DMC1: variants seen among roughly 807,000 people sequenced by gnomAD.
DMC1 encodes DNA meiotic recombinase 1.
In DMC1, 27 loss-of-function variants were observed where a neutral mutation model predicts 50.1. That is an observed-to-expected ratio of 0.54 (90% CI 0.40 to 0.74). DMC1 has a LOEUF of 0.74. Among genes scored for constraint, DMC1 ranks in the 30% least tolerant of loss-of-function variants. The pLI is 0.00. For missense variants in DMC1, 295 were observed against 420.2 expected (o/e 0.70, Z 2.60); for synonymous variants, 148 against 136.1 (o/e 1.09, Z -0.61).
In DMC1 at chr22:38,562,338, C is replaced by T; in HGVS notation, c.275G>A (p.Ser92Asn). The part of the protein sequence containing the change: ...EPGFLTAFEY[S>N]EKRKMVFHIT... ...ATGGAAAACCATTTTCCTCTTTTCA[C>T]TATACTCAAATGCAGTCAAGAATCC... Residue 92 changes from serine to asparagine, a missense_variant, in exon 5 of 14, where the codon AGT becomes AAT. By Grantham distance (46) the Ser-to-Asn change is conservative. Coordinates refer to ENST00000216024, the MANE Select transcript of DMC1 (RefSeq NM_007068.4). 1 of 1,612,518 alleles carries T rather than the reference C, an allele frequency of 6.2e-7. No individual in the cohort carries two copies. The highest frequency in any genetic ancestry group is 8.5e-7 in the Non-Finnish European group (1 of 1,178,920).
rs184788393 is a variant in DMC1 at position 38,557,009 on chromosome 22, G to A, written c.327-1600C>T. Among the ~76,000 whole-genome samples the A allele has an allele frequency of 2.1e-3, 314 of 152,264 alleles. 3 individuals are homozygous for A. Among genetic ancestry groups the A allele is most frequent in the South Asian group, 0.016 (78 of 4,828 alleles). The stretch of plus-strand genomic sequence containing the variant: ...AGGGAATACACTTGGAAATCTTATA[G>A]GCCCAGCAACTATTTTTTTCTTCAA... On this transcript the variant is annotated intron_variant, in intron 5 of 13. Transcript: ENST00000216024.
intron 6 of DMC1, among the ~76,000 whole-genome samples, chr22:38,554,701 A>G (rs1316518647): frequency 6.6e-6 from 1 of 152,092 alleles, no homozygotes; most frequent in Non-Finnish European, 1.5e-5. Context: ...TAGAGGATAT[A>G]ATCAGGGAAG....
At chr22:38,535,206 G>A (rs2090197342) in intron 12 of DMC1, among the ~76,000 whole-genome samples, 1 of 152,100 alleles carries the variant, frequency 6.6e-6, no homozygotes, top group Admixed American at 6.5e-5. Context: ...GGCTGAGGCA[G>A]GAGAATCGCC....
intron 1 of DMC1, 162 bp from the exon 2 acceptor site, chr22:38,568,451 T>TTGTGTG (rs11570378): frequency 8.6e-5 from 51 of 591,842 alleles, no homozygotes; most frequent in African/African-American, 1.9e-4. Flanking sequence ...ACATTATTTC[T>TTGTGTG]TGTGTGTGTG....
intron 1 of DMC1, among the ~76,000 whole-genome samples, chr22:38,568,930 T>C (rs1441569715): frequency 6.6e-6 from 1 of 152,100 alleles, no homozygotes; most frequent in Non-Finnish European, 1.5e-5. Flanking sequence ...TGGAGGCTCA[T>C]GCCTGTAATC....
At chr22:38,525,099 C>T (rs778811118) in intron 12 of DMC1, among the ~76,000 whole-genome samples, 22 of 152,052 alleles carry the variant, frequency 1.4e-4, no homozygotes, top group Non-Finnish European at 3.1e-4. Context: ...ATTAAGCACA[C>T]TACATGGTAA....
chr22:38,522,381 C>T (rs1250457382), intron 12 of DMC1, among the ~76,000 whole-genome samples: 1 of 151,900 alleles, frequency 6.6e-6, no homozygotes, highest in Non-Finnish European at 1.5e-5. Context: ...ATGGCAAAAA[C>T]CCATCTCTAC....
chr22:38,545,141 G>T (rs2090329954), intron 8 of DMC1, among the ~76,000 whole-genome samples: 1 of 151,920 alleles, frequency 6.6e-6, no homozygotes, highest in African/African-American at 2.4e-5. Flanking sequence ...AGGCATGGTG[G>T]CTTATATCTG....
intron 8 of DMC1, among the ~76,000 whole-genome samples, chr22:38,541,068 G>A (rs1394965520): frequency 6.6e-6 from 1 of 151,974 alleles, no homozygotes. Flanking sequence ...GAGTTTTACT[G>A]GGGGCCTGAA....
the DMC1 span, among the ~76,000 whole-genome samples, chr22:38,513,881 A>G: frequency 2.4e-4 from 36 of 152,226 alleles, no homozygotes; most frequent in African/African-American, 8.2e-4. Flanking sequence ...TGAATAATCT[A>G]TGAGGAAAAA....
chr22:38,526,571 C>G (rs2090092544), intron 12 of DMC1, among the ~76,000 whole-genome samples: 1 of 151,528 alleles, frequency 6.6e-6, no homozygotes, highest in Non-Finnish European at 1.5e-5. Context: ...TAAAAACATC[C>G]CCTCCCCACC....
intron 12 of DMC1, among the ~76,000 whole-genome samples, chr22:38,533,539 C>A (rs1217423833): frequency 1.3e-5 from 2 of 152,022 alleles, no homozygotes; most frequent in Non-Finnish European, 2.9e-5. Flanking sequence ...AGAATTTACT[C>A]CAGCATATCA....
At chr22:38,529,972 G>A (rs545489074) in intron 12 of DMC1, among the ~76,000 whole-genome samples, 98 of 152,066 alleles carry the variant, frequency 6.4e-4, no homozygotes, top group African/African-American at 2.1e-3. Context: ...CAAGAATGAG[G>A]AGGCTTTTTT....
chr22:38,562,237 T>C (rs1034639792), intron 5 of DMC1, 50 bp downstream of exon 5: 1 of 1,166,958 alleles, frequency 8.6e-7, no homozygotes, highest in African/African-American at 1.5e-5. Context: ...AAAAGAAACA[T>C]GGTATTCCAA....
chr22:38,521,811 G>C (rs1309224605), intron 12 of DMC1, 87 bp from the exon 13 acceptor site: 7 of 921,890 alleles, frequency 7.6e-6, no homozygotes, highest in African/African-American at 1.6e-5. Context: ...TTCTGTGGTG[G>C]ATGTCAGGAG....
At chr22:38,536,979 T>C (rs1210754870) in intron 12 of DMC1, among the ~76,000 whole-genome samples, 2 of 152,080 alleles carry the variant, frequency 1.3e-5, no homozygotes, top group Non-Finnish European at 2.9e-5. Context: ...GCCTCCCGAA[T>C]AGCTGGGATT....
chr22:38,545,224 C>T (rs2145902594), intron 8 of DMC1, among the ~76,000 whole-genome samples: 1 of 151,984 alleles, frequency 6.6e-6, no homozygotes, highest in Non-Finnish European at 1.5e-5. Flanking sequence ...GCCTGGGCAA[C>T]ATGGTGAGAC....
intron 12 of DMC1, among the ~76,000 whole-genome samples, chr22:38,537,099 A>T (rs2090222242): frequency 6.6e-6 from 1 of 152,142 alleles, no homozygotes; most frequent in Admixed American, 6.5e-5. Flanking sequence ...TGATCCAACC[A>T]TCTAGGCCTC....
At position 38,566,672 on chromosome 22, in the gene DMC1, G is replaced by A; in HGVS notation, c.161C>T (p.Thr54Ile). 1 of 1,613,582 alleles carries A rather than the reference G, an allele frequency of 6.2e-7. No individual in the cohort carries two copies. The highest frequency in any genetic ancestry group is 8.5e-7 in the Non-Finnish European group (1 of 1,179,510). The part of the protein sequence containing the change: ...GICTIKGIQM[T>I]TRRALCNVKG... The stretch of plus-strand genomic sequence containing the variant: ...GACATTGCATAGAGCTCTTCTTGTT[G>A]TCATCTGTATACCTTTGATGGTACA... The change falls in exon 4 of 14, where the codon ACA (threonine) becomes ATA (isoleucine). Residue 54 changes from threonine to isoleucine, a missense_variant. By Grantham distance (89) the Thr-to-Ile change is moderately conservative. Coordinates refer to ENST00000216024, the MANE Select transcript of DMC1 (RefSeq NM_007068.4).
Sources: gnomAD v4.1 joint callset for allele counts (sites outside exome capture counted in the v4.1 genomes callset) on GRCh38, gnomAD v4.1.1 for gene constraint, MANE v1.5 for transcripts, NCBI Gene and HGNC (gene_info 2026-07-23, HGNC 2026-07-21) for gene names.